Variants in ZBTB38 observed in about 807,000 individuals in gnomAD.
The protein encoded by ZBTB38 is zinc finger and BTB domain containing 38.
In ZBTB38, 20 loss-of-function variants were observed where a neutral mutation model predicts 76.8. The observed-to-expected ratio is 0.26, with a 90% confidence interval of 0.18 to 0.38. ZBTB38 has a LOEUF of 0.38. Among genes scored for constraint, ZBTB38 ranks in the 10% least tolerant of loss-of-function variants. The pLI, the probability that ZBTB38 is intolerant of heterozygous loss-of-function variation, is 1.00. For synonymous variants in ZBTB38, 504 were observed against 544.2 expected (o/e 0.93, Z 1.03); for missense variants, 1,082 against 1,482.3 (o/e 0.73, Z 4.43).
rs138614850 is a variant in ZBTB38, at chr3:141,424,416, G to A, written c.1-17973G>A. 2.7e-3 allele frequency among the ~76,000 whole-genome samples: 416 copies of A among 152,138 alleles called. 3 individuals carry two copies. Among genetic ancestry groups the A allele is most frequent in the African/African-American group, 9.6e-3 (397 of 41,502 alleles). ...GGCACCTGTGATCCTAACTACTCAG[G>A]ATCTGAGATGGGAGGATCACTTGAG... On this transcript the variant is annotated intron_variant, in intron 5 of 5. Coordinates refer to ENST00000321464, the MANE Select transcript of ZBTB38 (RefSeq NM_001376113.1).
chr3:141,362,299 T>C (rs1439496092), intron 1 of ZBTB38, among the ~76,000 whole-genome samples: 1 of 152,118 alleles, frequency 6.6e-6, no homozygotes, highest in Non-Finnish European at 1.5e-5. Context: ...AGAACAATAA[T>C]TCCAAATTTG....
rs182734966 is a variant in ZBTB38, at chr3:141,437,483, A to C, written c.1-4906A>C. 3.3e-5 allele frequency among the ~76,000 whole-genome samples: 5 copies of C among 152,168 alleles called. No homozygotes were observed. The East Asian group carries it at 9.6e-4, about 29-fold the overall frequency. On this transcript the variant is annotated intron_variant, in intron 5 of 5. Coordinates refer to ENST00000321464, the MANE Select transcript of ZBTB38 (RefSeq NM_001376113.1). ...CACCCTGCAAACCTTTGAGTGTAGA[A>C]TTTTTGTTTCTCTTATGGCACTGAG...
At chr3:141,412,478 ATTT>A (rs10577522) in intron 5 of ZBTB38, among the ~76,000 whole-genome samples, 2 of 145,444 alleles carry the variant, frequency 1.4e-5, no homozygotes, top group Admixed American at 1.4e-4. Context: ...TGTTCTTTTG[ATTT>A]TTTTTTTTTT....
chr3:141,426,256 C>CACCT (rs2150328472), intron 5 of ZBTB38: 2 of 1,163,212 alleles, frequency 1.7e-6, no homozygotes, highest in South Asian at 2.6e-5. Context: ...TGCAAAAGCA[C>CACCT]ACCTGCCCAG....
intron 5 of ZBTB38, among the ~76,000 whole-genome samples, chr3:141,429,310 C>T (rs1016153408): frequency 4.4e-5 from 6 of 137,450 alleles, no homozygotes; most frequent in Admixed American, 3.0e-4. Flanking sequence ...CGGGGGACGG[C>T]GGCAGGTTGC....
At chr3:141,366,670 G>A (rs1036399478), upstream of ZBTB38, 1 of 152,226 alleles carries the variant, frequency 6.6e-6, no homozygotes, top group South Asian at 2.1e-4. Flanking sequence ...CAGAGGCATA[G>A]ATTGCCTGAG....
chr3:141,430,811 C>G (rs928579232), intron 5 of ZBTB38, among the ~76,000 whole-genome samples: 1 of 152,118 alleles, frequency 6.6e-6, no homozygotes, highest in Admixed American at 6.5e-5. Flanking sequence ...TTCCCTGTGC[C>G]GTCCCCCAGA....
At position 141,444,500 on chromosome 3, in the gene ZBTB38, C is replaced by T. The variant is rs1014118442; in HGVS notation, c.2112C>T (p.Ala704=). 1 of 1,614,030 alleles carries T rather than the reference C, an allele frequency of 6.2e-7. No individual in the cohort carries two copies. The highest frequency in any genetic ancestry group is 8.5e-7 in the Non-Finnish European group (1 of 1,180,050). The change falls in exon 6 of 6, where the codon GCC becomes GCT. Residue 704 remains alanine, a synonymous_variant. Coordinates refer to ENST00000321464, the MANE Select transcript of ZBTB38 (RefSeq NM_001376113.1). This position sits in a 1 kb window ranked among gnomAD's most constrained non-coding sequence, Gnocchi z 5.1. ...TGAGTAATAGCAGTGAGAATGCCGC[C>T]TCTGTGATCAGCTACAGTGGCTCTG... ...LSLSNSSENA[A]SVISYSGSAP...
chr3:141,412,332 A>T (rs2149880336), intron 5 of ZBTB38, among the ~76,000 whole-genome samples: 1 of 152,226 alleles, frequency 6.6e-6, no homozygotes, highest in East Asian at 1.9e-4. Flanking sequence ...TTGTTGTGTT[A>T]AGGTCTCTCA....
At chr3:141,434,223 A>G in intron 5 of ZBTB38, 1 of 985,294 alleles carries the variant, frequency 1.0e-6, no homozygotes, top group Non-Finnish European at 1.2e-6. Context: ...CAACTGAGAC[A>G]AGAACAAATG....
intron 1 of ZBTB38, among the ~76,000 whole-genome samples, chr3:141,339,469 A>G (rs921597906): frequency 6.6e-6 from 1 of 152,166 alleles, no homozygotes; most frequent in Non-Finnish European, 1.5e-5. Flanking sequence ...AAAGTAGGAG[A>G]CTACTATAAA....
At chr3:141,424,310 G>A (rs1327197419) in intron 5 of ZBTB38, among the ~76,000 whole-genome samples, 2 of 152,074 alleles carry the variant, frequency 1.3e-5, no homozygotes, top group Non-Finnish European at 2.9e-5. Context: ...CTTACGCCCA[G>A]GAGTTCAAGA....
At chr3:141,354,269 C>T (rs1344509778) in intron 1 of ZBTB38, among the ~76,000 whole-genome samples, 1 of 152,172 alleles carries the variant, frequency 6.6e-6, no homozygotes, top group Non-Finnish European at 1.5e-5. Context: ...AAACCCTGCT[C>T]TCAGCATGGA....
Position 141,399,987 on chromosome 3 carries a change from CTTTT to C in ZBTB38, c.-105-3921_-105-3918del, listed in dbSNP as rs557587979. ...AGAGGAGATAATCTTGAAAGTCTTGCTTTTTTTTTTTTTTTTTTTTTTGCAAATG... is the reference window on the plus strand; with the variant it reads ...AGAGGAGATAATCTTGAAAGTCTTGCTTTTTTTTTTTTTTTTTTGCAAATG... On this transcript the variant is annotated intron_variant, in intron 4 of 5. Coordinates refer to ENST00000321464, the MANE Select transcript of ZBTB38 (RefSeq NM_001376113.1). 8.5e-4 allele frequency among the ~76,000 whole-genome samples: 68 copies of C among 80,464 alleles called. 1 individual carries two copies. The Admixed American group carries it at 9.5e-3, about 11-fold the overall frequency. The allele number at this position is 80,464 out of a possible 152,430, so 52.8% of individuals were successfully genotyped here. A position where few individuals can be genotyped will look rare whatever the true frequency, so the allele number is the denominator to read the frequency against.
intron 2 of ZBTB38, among the ~76,000 whole-genome samples, chr3:141,374,130 A>AT (rs1553763474): frequency 1.3e-5 from 2 of 152,010 alleles, no homozygotes; most frequent in Non-Finnish European, 2.9e-5. Context: ...AAAAAAAAAA[A>AT]GTGTTGATAA....
intron 5 of ZBTB38, among the ~76,000 whole-genome samples, chr3:141,417,821 C>A (rs535513641): frequency 4.5e-4 from 69 of 152,032 alleles, no homozygotes; most frequent in Admixed American, 9.2e-4. Context: ...TGGAGACCAC[C>A]CTGACCAACC....
chr3:141,328,122 C>T (rs1406234265), intron 1 of ZBTB38, among the ~76,000 whole-genome samples: 5 of 152,168 alleles, frequency 3.3e-5, no homozygotes, highest in South Asian at 2.1e-4. Context: ...GTTCGCACGC[C>T]GCTGCACAGA....
intron 4 of ZBTB38, chr3:141,394,254 G>C (rs903817774): frequency 6.6e-6 from 1 of 152,170 alleles, no homozygotes; most frequent in Non-Finnish European, 1.5e-5. Context: ...TTGACCTCGC[G>C]ATCCGCCCGC....
intron 5 of ZBTB38, among the ~76,000 whole-genome samples, chr3:141,438,713 A>G (rs1175222195): frequency 1.3e-5 from 2 of 152,120 alleles, no homozygotes; most frequent in African/African-American, 4.8e-5. Context: ...AAAAAGCTCA[A>G]ATTTCATTAT....
Sources: allele counts gnomAD v4.1 joint callset (sites outside exome capture counted in the v4.1 genomes callset), GRCh38; gene constraint gnomAD v4.1.1; non-coding constraint Gnocchi (gnomAD v3.1); transcripts MANE v1.5; gene names NCBI Gene and HGNC (gene_info 2026-07-23, HGNC 2026-07-21).